The following RB1 variants were observed in gnomAD, a reference collection of about 807,000 sequenced individuals.
RB1 encodes the protein retinoblastoma-associated protein.
A neutral mutation model predicts 135.4 loss-of-function variants in RB1; 18 were observed. The observed-to-expected ratio is 0.13, with a 90% CI of 0.09 to 0.20. The LOEUF is 0.20. Among genes scored for constraint, RB1 ranks in the 10% least tolerant of loss-of-function variants. RB1 has a pLI of 1.00. For synonymous variants in RB1, 365 were observed against 373.2 expected (o/e 0.98, Z 0.25); for missense variants, 868 against 1,110.0 (o/e 0.78, Z 3.10).
Position 48,319,231 on chromosome 13 carries a change from T to A in RB1, c.264+11825T>A. On this transcript the variant is annotated intron_variant, in intron 2 of 26. Transcript: ENST00000267163. The surrounding 1 kb of genome is among the most constrained non-coding windows in gnomAD (Gnocchi z 5.0). ...GGCTTCCTCTAGCTGGGTGTTTTCCTGTGGGTCTCGCGCAAGGCACTTTTT... is the reference window on the plus strand; with the variant it reads ...GGCTTCCTCTAGCTGGGTGTTTTCCAGTGGGTCTCGCGCAAGGCACTTTTT... 1 of 800,204 alleles carries A rather than the reference T, an allele frequency of 1.2e-6. No individual in the cohort carries two copies. Among genetic ancestry groups the A allele is most frequent in the Non-Finnish European group, 1.9e-6 (1 of 531,770 alleles). 49.6% of individuals were successfully genotyped at this position (800,204 alleles called of 1,614,324 possible). A position where few individuals can be genotyped will look rare whatever the true frequency, so the allele number is the denominator to read the frequency against.
At chr13:48,439,063 AAG>A (rs1239627708) in intron 17 of RB1, among the ~76,000 whole-genome samples, 2 of 152,198 alleles carry the variant, frequency 1.3e-5, no homozygotes, top group Non-Finnish European at 2.9e-5. Context: ...TGGGCAAAGA[AAG>A]AGTGAAAGAG....
chr13:48,457,688 C>CT (rs1449778675), intron 19 of RB1, among the ~76,000 whole-genome samples: 1 of 152,240 alleles, frequency 6.6e-6, no homozygotes, highest in African/African-American at 2.4e-5. Flanking sequence ...CTCGGCTTCC[C>CT]CCCCGTGCTC....
At chr13:48,400,903 C>A (rs1455227608) in intron 17 of RB1, among the ~76,000 whole-genome samples, 1 of 152,088 alleles carries the variant, frequency 6.6e-6, no homozygotes, top group Non-Finnish European at 1.5e-5. Flanking sequence ...TTTATCTTGG[C>A]TTACTATAAG....
intron 17 of RB1, among the ~76,000 whole-genome samples, chr13:48,443,631 T>G (rs540344749): frequency 6.6e-6 from 1 of 152,220 alleles, no homozygotes; most frequent in Non-Finnish European, 1.5e-5. Flanking sequence ...CACATCATTC[T>G]ATTTTGCCAG....
In RB1 at chr13:48,327,929, A is replaced by C. The variant is rs567729391; in HGVS notation, c.265-14670A>C. 2.6e-5 allele frequency among the ~76,000 whole-genome samples: 4 copies of C among 152,286 alleles called. No individual in the cohort carries two copies. In the South Asian group the frequency reaches 8.3e-4, roughly 32 times the overall value. On this transcript the variant is annotated intron_variant, in intron 2 of 26. Transcript: ENST00000267163. The stretch of plus-strand genomic sequence containing the variant: ...AAACATAAATTACCTCTAATTTCAA[A>C]CTCTCATTTATTGGTGTACCACTCA...
Position 48,465,012 on chromosome 13 carries a change from T to G in RB1, c.2226T>G (p.Val742=), listed in dbSNP as rs757624656. 1 of 1,607,344 alleles carries G rather than the reference T, an allele frequency of 6.2e-7. No homozygotes were observed. The highest frequency in any genetic ancestry group is 1.1e-5 in the South Asian group (1 of 89,596). The change falls in exon 22 of 27, where the codon GTT becomes GTG. Residue 742 remains valine, a synonymous_variant. Transcript: ENST00000267163. ...PHAVQETFKR[V]LIKEEEYDSI... ...TTCTTCCTCAGACATTCAAACGTGT[T>G]TTGATCAAAGAAGAGGAGTATGATT...
At chr13:48,317,539 G>T in intron 2 of RB1, 1 of 439,298 alleles carries the variant, frequency 2.3e-6, no homozygotes, top group Non-Finnish European at 4.2e-6. Flanking sequence ...GGTGCCCGCT[G>T]TGGCACTGCT....
chr13:48,316,922 G>A (rs1162561714), intron 2 of RB1: 3 of 365,182 alleles, frequency 8.2e-6, no homozygotes, highest in Admixed American at 3.7e-5. Flanking sequence ...AGTCACTGGC[G>A]TCACTAACCA....
chr13:48,338,812 C>T (rs934038584), intron 2 of RB1, among the ~76,000 whole-genome samples: 1 of 152,172 alleles, frequency 6.6e-6, no homozygotes, highest in Non-Finnish European at 1.5e-5. Context: ...GTGGTTTTAT[C>T]TACCTTTGGT....
At chr13:48,342,962 G>A (rs1166120435) in intron 3 of RB1, among the ~76,000 whole-genome samples, 2 of 152,096 alleles carry the variant, frequency 1.3e-5, no homozygotes, top group Non-Finnish European at 1.5e-5. Context: ...CTATTCATGT[G>A]TAAGCTTTCT....
At chr13:48,336,748 T>TG in intron 2 of RB1, among the ~76,000 whole-genome samples, 4 of 148,102 alleles carry the variant, frequency 2.7e-5, no homozygotes, top group Admixed American at 6.7e-5. Flanking sequence ...TGTTTGCTCT[T>TG]CTCTAGTTCT....
intron 2 of RB1, among the ~76,000 whole-genome samples, chr13:48,307,717 T>C (rs1007826557): frequency 4.9e-5 from 5 of 102,288 alleles, no homozygotes; most frequent in African/African-American, 1.6e-4. Flanking sequence ...AAAAAAAAAA[T>C]TAGCAGGGTG....
chr13:48,317,363 C>T, intron 2 of RB1: 1 of 381,548 alleles, frequency 2.6e-6, no homozygotes, highest in Middle Eastern at 7.2e-4. Context: ...CACTCCGCAT[C>T]TCTACTTTCC....
intron 17 of RB1, among the ~76,000 whole-genome samples, chr13:48,425,876 C>T (rs1949072188): frequency 6.6e-6 from 1 of 152,054 alleles, no homozygotes; most frequent in Non-Finnish European, 1.5e-5. Context: ...TTTTACAGAC[C>T]AAGAAACTAA....
intron 17 of RB1, among the ~76,000 whole-genome samples, chr13:48,418,515 G>C (rs1161364157): frequency 6.6e-6 from 1 of 152,136 alleles, no homozygotes; most frequent in Non-Finnish European, 1.5e-5. Context: ...CATAATGACA[G>C]GATCAGATTC....
At chr13:48,335,021 G>A (rs79739360) in intron 2 of RB1, among the ~76,000 whole-genome samples, 2 of 152,116 alleles carry the variant, frequency 1.3e-5, no homozygotes, top group African/African-American at 4.8e-5. Context: ...ATGTATGCAG[G>A]ATTAATAAGG....
At chr13:48,380,636 A>G (rs1453724598) in intron 16 of RB1, among the ~76,000 whole-genome samples, 1 of 152,226 alleles carries the variant, frequency 6.6e-6, no homozygotes, top group Non-Finnish European at 1.5e-5. Flanking sequence ...AATCCACTGG[A>G]TAAACAGAAC....
At chr13:48,433,301 T>G (rs1452833481) in intron 17 of RB1, among the ~76,000 whole-genome samples, 1 of 152,176 alleles carries the variant, frequency 6.6e-6, no homozygotes, top group Non-Finnish European at 1.5e-5. Flanking sequence ...TGTACTTTGA[T>G]GTTTTAAAAC....
At position 48,411,591 on chromosome 13, in the gene RB1, C is replaced by T; in HGVS notation, c.1695+30148C>T. On this transcript the variant is annotated intron_variant, in intron 17 of 26. Transcript: ENST00000267163. ...AAAACAACAGTTGGAAACAGCAATA[C>T]AGAGAGTGATTGGGTACATTGTCCT... 6.2e-7 allele frequency: 1 copy of T among 1,612,976 alleles called. No individual in the cohort carries two copies. The highest frequency in any genetic ancestry group is 1.1e-5 in the South Asian group (1 of 91,064).
Sources: allele counts gnomAD v4.1 joint callset (sites outside exome capture counted in the v4.1 genomes callset), GRCh38; gene constraint gnomAD v4.1.1; non-coding constraint Gnocchi (gnomAD v3.1); transcripts MANE v1.5; gene names NCBI Gene and HGNC (gene_info 2026-07-23, HGNC 2026-07-21).